The following UTRN variants were observed in gnomAD, a reference collection of about 807,000 sequenced individuals.
UTRN encodes the protein dystrophin-related protein 1.
UTRN carries 283 observed loss-of-function variants against 463.9 expected under a neutral mutation model. The observed-to-expected ratio is 0.61, with a 90% CI of 0.55 to 0.67. The LOEUF (loss-of-function observed/expected upper bound fraction) is 0.67. Ranked by LOEUF, UTRN falls within the 30% of genes least tolerant of loss-of-function variation. UTRN has a pLI of 0.00. For missense variants in UTRN, 3,922 were observed against 4,084.3 expected (o/e 0.96, Z 1.08); for synonymous variants, 1,442 against 1,431.5 (o/e 1.01, Z -0.17).
intron 70 of UTRN, 143 bp downstream of exon 70, chr6:144,836,081 G>A (rs965765345): frequency 7.1e-7 from 1 of 1,413,112 alleles, no homozygotes; most frequent in Non-Finnish European, 9.5e-7. Context: ...AACAAACTGG[G>A]ATGCTGGCTG....
chr6:144,375,786 C>T (rs1335962398), intron 2 of UTRN, among the ~76,000 whole-genome samples: 1 of 152,122 alleles, frequency 6.6e-6, no homozygotes, highest in Non-Finnish European at 1.5e-5. Flanking sequence ...GGAATGTATC[C>T]ATTGAAGGCC....
intron 65 of UTRN, among the ~76,000 whole-genome samples, chr6:144,820,280 A>G (rs552438932): frequency 2.0e-4 from 31 of 152,290 alleles, no homozygotes; most frequent in African/African-American, 6.5e-4. Flanking sequence ...AATGTAGTTC[A>G]GGTAAAATAA....
intron 23 of UTRN, among the ~76,000 whole-genome samples, chr6:144,467,716 G>A (rs1342363041): frequency 1.3e-5 from 2 of 152,130 alleles, no homozygotes; most frequent in African/African-American, 2.4e-5. Flanking sequence ...AGTAATATTA[G>A]TACGGATGAT....
chr6:144,791,568 TAAA>T (rs79194006), intron 62 of UTRN, among the ~76,000 whole-genome samples: 1 of 141,486 alleles, frequency 7.1e-6, no homozygotes. Flanking sequence ...AGCGAGACCT[TAAA>T]AAAAAAAAAA....
chr6:144,567,336 T>C (rs1585312838), intron 50 of UTRN, among the ~76,000 whole-genome samples: 2 of 152,172 alleles, frequency 1.3e-5, no homozygotes, highest in East Asian at 3.9e-4. Flanking sequence ...GGAGTTATGA[T>C]TCAATATTGG....
At chr6:144,535,937 A>G (rs1453939172) in intron 43 of UTRN, among the ~76,000 whole-genome samples, 1 of 152,030 alleles carries the variant, frequency 6.6e-6, no homozygotes, top group East Asian at 1.9e-4. Context: ...GTGCTACCAC[A>G]CCCAGCTGAT....
chr6:144,590,843 TAC>T (rs10531216), intron 51 of UTRN, among the ~76,000 whole-genome samples: 64,280 of 145,722 alleles, frequency 0.44, 14,223 homozygotes, highest in Non-Finnish European at 0.49. Context: ...TCTCTCAATC[TAC>T]ACACACACAC....
At chr6:144,379,467 C>G (rs141871499) in intron 2 of UTRN, among the ~76,000 whole-genome samples, 1 of 152,090 alleles carries the variant, frequency 6.6e-6, no homozygotes. Flanking sequence ...GGTTCTCGGT[C>G]GAAGGCCACA....
intron 13 of UTRN, 124 bp downstream of exon 13, chr6:144,440,595 G>T: frequency 7.7e-7 from 1 of 1,293,016 alleles, no homozygotes; most frequent in South Asian, 1.4e-5. Context: ...ACCTACCTTT[G>T]ATTGTACTTC....
chr6:144,500,892 G>A (rs1044414732), intron 34 of UTRN, among the ~76,000 whole-genome samples: 3 of 152,150 alleles, frequency 2.0e-5, no homozygotes, highest in African/African-American at 4.8e-5. Context: ...AGAAAGAAGC[G>A]AGTATACTAG....
chr6:144,592,737 T>C (rs1371886316), intron 51 of UTRN, among the ~76,000 whole-genome samples: 1 of 152,188 alleles, frequency 6.6e-6, no homozygotes, highest in African/African-American at 2.4e-5. Flanking sequence ...ACATAACCAC[T>C]ACCAGCTTGA....
chr6:144,430,152 C>T (rs1785668068), intron 9 of UTRN, among the ~76,000 whole-genome samples: 2 of 151,502 alleles, frequency 1.3e-5, no homozygotes, highest in South Asian at 4.2e-4. Context: ...GATTTTTTTT[C>T]CATTATATAT....
intron 35 of UTRN, among the ~76,000 whole-genome samples, chr6:144,512,604 A>G (rs1795272394): frequency 6.6e-6 from 1 of 150,604 alleles, no homozygotes; most frequent in Non-Finnish European, 1.5e-5. Flanking sequence ...CCCATGCTGG[A>G]GTGCAGTGGT....
At chr6:144,373,081 G>A (rs2114716690) in intron 2 of UTRN, among the ~76,000 whole-genome samples, 1 of 152,248 alleles carries the variant, frequency 6.6e-6, no homozygotes, top group South Asian at 2.1e-4. Flanking sequence ...ATGTAAAATA[G>A]TGTAGCAGTT....
rs762573998 is a variant in UTRN at position 144,499,316 on chromosome 6, A to G, written c.4653A>G (p.Lys1551=). Residue 1551 remains lysine (K), a synonymous_variant, in exon 34 of 75, where the codon AAA becomes AAG. Coordinates refer to ENST00000367545, the MANE Select transcript of UTRN (RefSeq NM_007124.3). The part of the protein sequence containing the change: ...RASQLARKMK[K]EAASLSEWLS... ...CACAGTTGGCCCGGAAAATGAAGAA[A>G]GAGGCTGCTTCTCTCTCTGAATGGC... The G allele has an allele frequency of 2.0e-5, 33 of 1,613,838 alleles. 1 individual carries two copies. In the South Asian group the frequency reaches 3.5e-4, roughly 17 times the overall value.
intron 45 of UTRN, 120 bp from the exon 46 acceptor site, chr6:144,542,675 T>C (rs1476886251): frequency 2.1e-6 from 2 of 958,202 alleles, no homozygotes; most frequent in East Asian, 5.5e-5. Context: ...GCCAGAAGTT[T>C]AGGTCGTTAG....
chr6:144,629,335 A>T (rs1006201090), intron 51 of UTRN, among the ~76,000 whole-genome samples: 2 of 152,148 alleles, frequency 1.3e-5, no homozygotes, highest in East Asian at 3.9e-4. Flanking sequence ...AGAGGCAGCC[A>T]CCGATGCCAG....
chr6:144,750,129 T>A (rs1791216572), intron 55 of UTRN, among the ~76,000 whole-genome samples: 1 of 152,130 alleles, frequency 6.6e-6, no homozygotes, highest in South Asian at 2.1e-4. Flanking sequence ...ACCCAGACCT[T>A]TTCAAAGTTC....
chr6:144,799,695 A>G (rs190665180), intron 64 of UTRN, among the ~76,000 whole-genome samples: 3 of 152,270 alleles, frequency 2.0e-5, no homozygotes, highest in African/African-American at 7.2e-5. Flanking sequence ...TATATTTGTT[A>G]TTTTAGTCAC....
Sources: gnomAD v4.1 joint callset for allele counts (sites outside exome capture counted in the v4.1 genomes callset) on GRCh38, gnomAD v4.1.1 for gene constraint, MANE v1.5 for transcripts, NCBI Gene and HGNC (gene_info 2026-07-23, HGNC 2026-07-21) for gene names.